The following SMIM32 variants were observed in gnomAD, a reference collection of about 807,000 sequenced individuals.
SMIM32 encodes small integral membrane protein 32.
Under a neutral mutation model 1.6 loss-of-function variants are expected in SMIM32, and 1 was observed. The ratio of observed to expected loss-of-function variants is 0.64; its 90% CI spans 0.23 to 3.02. The LOEUF (loss-of-function observed/expected upper bound fraction) is 3.02. Among genes scored for constraint, SMIM32 ranks in the 30% most tolerant of loss-of-function variants. SMIM32 has a pLI of 0.21. For synonymous variants in SMIM32, 53 were observed against 31.3 expected (o/e 1.69, Z -2.31); for missense variants, 99 against 60.5 (o/e 1.64, Z -2.11).
In SMIM32 at chr5:136,192,021, C is replaced by A. The variant is rs1754827818; in HGVS notation, c.*192G>T. The A allele has an allele frequency of 1.8e-6, 1 of 562,942 alleles. No individual in the cohort carries two copies. The highest frequency in any genetic ancestry group is 2.3e-5 in the South Asian group (1 of 43,568). 34.9% of individuals were successfully genotyped at this position (562,942 alleles called of 1,614,324 possible). A position where few individuals can be genotyped will look rare whatever the true frequency, so the allele number is the denominator to read the frequency against. ...TACAGGTACTGGGATCGAGACCCTA[C>A]ACAGGCTCCCGACGCCTCGGTCTCC... On this transcript the variant is annotated 3_prime_UTR_variant, in exon 1 of 1. Transcript: ENST00000607574.
Position 136,192,785 on chromosome 5 carries a change from ACT to A in SMIM32, c.-263_-262del, listed in dbSNP as rs1580817451. 10 of 474,016 alleles carry A rather than the reference ACT, an allele frequency of 2.1e-5. No individual in the cohort carries two copies. In the East Asian group the frequency reaches 3.2e-4, roughly 15 times the overall value. 29.4% of individuals were successfully genotyped at this position (474,016 alleles called of 1,614,324 possible). A position where few individuals can be genotyped will look rare whatever the true frequency, so the allele number is the denominator to read the frequency against. On this transcript the variant is annotated 5_prime_UTR_variant, in exon 1 of 1. Transcript: ENST00000607574. ...TTCTGTGCCCGCGCCCCTCGGGCTC[ACT>A]GTTTCTCTCCGTCGCCACCAGGACA...
Position 136,191,967 on chromosome 5 carries a change from T to G in SMIM32, c.*246A>C. ...GACCCTCTGTCCAGAGGAAGAAAGA[T>G]TTGGCCAGGGGATCAGAATCACGGT... On this transcript the variant is annotated 3_prime_UTR_variant, in exon 1 of 1. Coordinates refer to ENST00000607574, the MANE Select transcript of SMIM32 (RefSeq NM_001350994.2). 1 of 432,802 alleles carries G rather than the reference T, an allele frequency of 2.3e-6. No individual in the cohort carries two copies. The highest frequency in any genetic ancestry group is 6.8e-5 in the South Asian group (1 of 14,748). 26.8% of individuals were successfully genotyped at this position (432,802 alleles called of 1,614,324 possible).
At position 136,192,219 on chromosome 5, in the gene SMIM32, C is replaced by T. The variant is rs1271091138; in HGVS notation, c.306G>A (p.Pro102=). 2 of 695,112 alleles carry T rather than the reference C, an allele frequency of 2.9e-6. No homozygotes were observed. Among genetic ancestry groups the T allele is most frequent in the Admixed American group, 4.0e-5 (2 of 49,596 alleles). The allele number at this position is 695,112 out of a possible 1,614,324, so 43.1% of individuals were successfully genotyped here. The stretch of plus-strand genomic sequence containing the variant: ...GCCGTGGCTCAGTCCCAAGCTACAC[C>T]GGCCGCGTCTTCCAGGGCGCGCGGG... ...RDARAPWKTR[P]V is the part of the protein sequence containing the mutation. The change falls in exon 1 of 1, where the codon CCG becomes CCA. Residue 102 remains proline, a synonymous_variant. Coordinates refer to ENST00000607574, the MANE Select transcript of SMIM32 (RefSeq NM_001350994.2).
At position 136,192,724 on chromosome 5, in the gene SMIM32, G is replaced by T. The variant is rs1451964709; in HGVS notation, c.-200C>A. 2 of 551,334 alleles carry T rather than the reference G, an allele frequency of 3.6e-6. No individual in the cohort carries two copies. Among genetic ancestry groups the T allele is most frequent in the Non-Finnish European group, 6.3e-6 (2 of 315,450 alleles). 34.2% of individuals were successfully genotyped at this position (551,334 alleles called of 1,614,324 possible). On this transcript the variant is annotated 5_prime_UTR_variant, in exon 1 of 1. Transcript: ENST00000607574. ...GCCTCCGCGCTCAGCTGCTTTCCCC[G>T]CCGGCTGGCGGACCCCAGTTCTCGG...
rs1431630976 is a variant in SMIM32, at chr5:136,192,253, A to G, written c.272T>C (p.Leu91Pro). ...AFAALPHDRS[L>P]RDARAPWKTR... ...CTTCCAGGGCGCGCGGGCGTCGCGC[A>G]GCGAGCGGTCGTGGGGCAGCGCGGC... The change falls in exon 1 of 1, where the codon CTG (leucine) becomes CCG (proline). Residue 91 changes from leucine to proline, a missense_variant. Transcript: ENST00000607574. The G allele has an allele frequency of 1.4e-6, 1 of 699,036 alleles. No homozygotes were observed. The highest frequency in any genetic ancestry group is 2.0e-5 in the Admixed American group (1 of 49,858). The allele number at this position is 699,036 out of a possible 1,614,324, so 43.3% of individuals were successfully genotyped here. A position where few individuals can be genotyped will look rare whatever the true frequency, so the allele number is the denominator to read the frequency against.
rs1298622930 is a variant in SMIM32, at chr5:136,192,406, C to A, written c.119G>T (p.Arg40Leu). 2 of 702,246 alleles carry A rather than the reference C, an allele frequency of 2.8e-6. No individual in the cohort carries two copies. Among genetic ancestry groups the A allele is most frequent in the Non-Finnish European group, 5.2e-6 (2 of 384,638 alleles). 43.5% of individuals were successfully genotyped at this position (702,246 alleles called of 1,614,324 possible). The change falls in exon 1 of 1, where the codon CGC becomes CTC. Residue 40 changes from arginine (R) to leucine (L), a missense_variant. Physicochemically the swap from Arg to Leu is moderately radical, Grantham distance 102. Coordinates refer to ENST00000607574, the MANE Select transcript of SMIM32 (RefSeq NM_001350994.2). ...TGTGGCCGCGCCGTCCCTCATACCG[C>A]GCGCAGTGGCCAGCTCCAGCGGCAA... The part of the protein sequence containing the change: ...GALPLELATA[R>L]GMRDGAATKP...
In SMIM32 at chr5:136,192,167, G is replaced by A. The variant is rs1561668296; in HGVS notation, c.*46C>T. On this transcript the variant is annotated 3_prime_UTR_variant, in exon 1 of 1. Transcript: ENST00000607574. The stretch of plus-strand genomic sequence containing the variant: ...TACCAGGCTCAAGCTGGCTGCTCTT[G>A]GCTAGGTCGGGACGGGGCGCCCGGC... The A allele has an allele frequency of 1.6e-6, 1 of 636,028 alleles. No homozygotes were observed. The highest frequency in any genetic ancestry group is 2.8e-6 in the Non-Finnish European group (1 of 357,366). The allele number at this position is 636,028 out of a possible 1,614,324, so 39.4% of individuals were successfully genotyped here. A position where few individuals can be genotyped will look rare whatever the true frequency, so the allele number is the denominator to read the frequency against.
Position 136,192,317 on chromosome 5 carries a change from C to T in SMIM32, c.208G>A (p.Val70Ile). 2.9e-6 allele frequency: 2 copies of T among 683,694 alleles called. No individual in the cohort carries two copies. The highest frequency in any genetic ancestry group is 5.3e-6 in the Non-Finnish European group (2 of 377,386). The allele number at this position is 683,694 out of a possible 1,614,324, so 42.4% of individuals were successfully genotyped here. A position where few individuals can be genotyped will look rare whatever the true frequency, so the allele number is the denominator to read the frequency against. ...FLLLLSVALVVLFIGCQLRHS... is the reference protein window; with the variant it reads ...FLLLLSVALVILFIGCQLRHS... ...CGCAGCTGGCAACCGATGAAGAGGA[C>T]GACGAGCGCCACCGAGAGCAGCAGC... Residue 70 changes from valine to isoleucine, a missense_variant, in exon 1 of 1, where the codon GTC becomes ATC. Coordinates refer to ENST00000607574, the MANE Select transcript of SMIM32 (RefSeq NM_001350994.2).
In SMIM32 at chr5:136,192,690, C is replaced by T. The variant is rs1561668606; in HGVS notation, c.-166G>A. 1.8e-6 allele frequency: 1 copy of T among 559,906 alleles called. No individual in the cohort carries two copies. The highest frequency in any genetic ancestry group is 2.3e-5 in the South Asian group (1 of 43,828). The allele number at this position is 559,906 out of a possible 1,614,324, so 34.7% of individuals were successfully genotyped here. A position where few individuals can be genotyped will look rare whatever the true frequency, so the allele number is the denominator to read the frequency against. On this transcript the variant is annotated 5_prime_UTR_variant, in exon 1 of 1. Coordinates refer to ENST00000607574, the MANE Select transcript of SMIM32 (RefSeq NM_001350994.2). Reference sequence around the variant, plus strand: ...GACTGCAAAGACCCCGGGACGCGTCCGCTCACTCGCCTCCGCGCTCAGCTG... The same window carrying T: ...GACTGCAAAGACCCCGGGACGCGTCTGCTCACTCGCCTCCGCGCTCAGCTG...
rs1469612242 is a variant in SMIM32, at chr5:136,192,833, G to A, written c.-309C>T. ...GGACAGAGGTCCCAGTCACTGACTCGCCTTTCGGCTTTACAACAGCCCGCT... is the reference window on the plus strand; with the variant it reads ...GGACAGAGGTCCCAGTCACTGACTCACCTTTCGGCTTTACAACAGCCCGCT... On this transcript the variant is annotated 5_prime_UTR_variant, in exon 1 of 1. Transcript: ENST00000607574. The A allele has an allele frequency of 8.0e-6, 3 of 374,442 alleles. No homozygotes were observed. Among genetic ancestry groups the A allele is most frequent in the Non-Finnish European group, 1.4e-5 (3 of 210,540 alleles). 23.2% of individuals were successfully genotyped at this position (374,442 alleles called of 1,614,324 possible). A position where few individuals can be genotyped will look rare whatever the true frequency, so the allele number is the denominator to read the frequency against.
chr5:136,191,723 C>G lies in SMIM32; in HGVS notation c.*490G>C, dbSNP rs1216613627. 1 of 153,978 alleles carries G rather than the reference C, an allele frequency of 6.5e-6. No individual in the cohort carries two copies. Among genetic ancestry groups the G allele is most frequent in the Non-Finnish European group, 1.4e-5 (1 of 69,436 alleles). 9.5% of individuals were successfully genotyped at this position (153,978 alleles called of 1,614,324 possible). A position where few individuals can be genotyped will look rare whatever the true frequency, so the allele number is the denominator to read the frequency against. On this transcript the variant is annotated 3_prime_UTR_variant, in exon 1 of 1. Transcript: ENST00000607574. The stretch of plus-strand genomic sequence containing the variant: ...ATCCTAGTGGGGTCCTCCTCGGTGT[C>G]AAGGAGCAAGAGAGGCCGTAGCAGC...
rs1754845428 is a variant in SMIM32, at chr5:136,192,606, C to A, written c.-82G>T. On this transcript the variant is annotated 5_prime_UTR_variant, in exon 1 of 1. Coordinates refer to ENST00000607574, the MANE Select transcript of SMIM32 (RefSeq NM_001350994.2). Reference sequence around the variant, plus strand: ...GGCGCGACCCGGCGCCTCCATGGCGCGCCCCTCCCGCCCTGCCGCGCCCAA... The same window carrying A: ...GGCGCGACCCGGCGCCTCCATGGCGAGCCCCTCCCGCCCTGCCGCGCCCAA... 2 of 581,768 alleles carry A rather than the reference C, an allele frequency of 3.4e-6. No individual in the cohort carries two copies. The highest frequency in any genetic ancestry group is 6.2e-5 in the Admixed American group (2 of 32,344). The allele number at this position is 581,768 out of a possible 1,614,324, so 36.0% of individuals were successfully genotyped here.
rs893290729 is a variant in SMIM32, at chr5:136,192,649, C to A, written c.-125G>T. ...GCGCCCAACTGACCGAGAGTCGGTGCCTTGGGGCCGGCGGGGACTGCAAAG... is the reference window on the plus strand; with the variant it reads ...GCGCCCAACTGACCGAGAGTCGGTGACTTGGGGCCGGCGGGGACTGCAAAG... On this transcript the variant is annotated 5_prime_UTR_variant, in exon 1 of 1. Coordinates refer to ENST00000607574, the MANE Select transcript of SMIM32 (RefSeq NM_001350994.2). 1.5e-4 allele frequency: 87 copies of A among 576,338 alleles called. 4 individuals are homozygous for A. Among genetic ancestry groups the A allele is most frequent in the South Asian group, 3.2e-4 (15 of 47,560 alleles). The allele number at this position is 576,338 out of a possible 1,614,324, so 35.7% of individuals were successfully genotyped here. A position where few individuals can be genotyped will look rare whatever the true frequency, so the allele number is the denominator to read the frequency against.
Position 136,192,767 on chromosome 5 carries a change from C to T in SMIM32, c.-243G>A. ...GTTCTCGGAGCTGGACAGTTCTGTG[C>T]CCGCGCCCCTCGGGCTCACTGTTTC... On this transcript the variant is annotated 5_prime_UTR_variant, in exon 1 of 1. Coordinates refer to ENST00000607574, the MANE Select transcript of SMIM32 (RefSeq NM_001350994.2). 6.1e-6 allele frequency: 3 copies of T among 495,618 alleles called. 1 individual carries two copies. In the South Asian group the frequency reaches 1.0e-4, roughly 17 times the overall value. The allele number at this position is 495,618 out of a possible 1,614,324, so 30.7% of individuals were successfully genotyped here.
Position 136,192,638 on chromosome 5 carries a change from G to C in SMIM32, c.-114C>G. On this transcript the variant is annotated 5_prime_UTR_variant, in exon 1 of 1. Transcript: ENST00000607574. ...CCCGCCCTGCCGCGCCCAACTGACC[G>C]AGAGTCGGTGCCTTGGGGCCGGCGG... The C allele has an allele frequency of 3.5e-6, 2 of 578,678 alleles. No homozygotes were observed. Among genetic ancestry groups the C allele is most frequent in the South Asian group, 4.2e-5 (2 of 47,906 alleles). The allele number at this position is 578,678 out of a possible 1,614,324, so 35.8% of individuals were successfully genotyped here.
rs1754840495 is a variant in SMIM32 at position 136,192,470 on chromosome 5, C to T, written c.55G>A (p.Ala19Thr). ...TGGPEAAVGSALAPGATVKAE... is the reference protein window; with the variant it reads ...TGGPEAAVGSTLAPGATVKAE... The stretch of plus-strand genomic sequence containing the variant: ...TTGACCGTGGCTCCTGGGGCCAGCG[C>T]GCTGCCTACCGCCGCCTCGGGGCCG... Residue 19 changes from alanine (A) to threonine (T), a missense_variant, in exon 1 of 1, where the codon GCG becomes ACG. By Grantham distance (58) the Ala-to-Thr change is moderately conservative. Coordinates refer to ENST00000607574, the MANE Select transcript of SMIM32 (RefSeq NM_001350994.2). The T allele has an allele frequency of 2.9e-6, 2 of 696,756 alleles. No homozygotes were observed. The highest frequency in any genetic ancestry group is 5.3e-6 in the Non-Finnish European group (2 of 380,818). 43.2% of individuals were successfully genotyped at this position (696,756 alleles called of 1,614,324 possible).
chr5:136,192,217 A>T lies in SMIM32; in HGVS notation c.308T>A (p.Val103Glu). ...CGGCCGTGGCTCAGTCCCAAGCTAC[A>T]CCGGCCGCGTCTTCCAGGGCGCGCG... is the stretch of plus-strand genomic sequence containing the variant. ...DARAPWKTRP[V>E] is the part of the protein sequence containing the mutation. The change falls in exon 1 of 1, where the codon GTG (valine) becomes GAG (glutamate). Residue 103 changes from valine (V) to glutamate (E), a missense_variant. Transcript: ENST00000607574. 1.4e-6 allele frequency: 1 copy of T among 694,132 alleles called. No individual in the cohort carries two copies. Among genetic ancestry groups the T allele is most frequent in the South Asian group, 1.5e-5 (1 of 66,692 alleles). The allele number at this position is 694,132 out of a possible 1,614,324, so 43.0% of individuals were successfully genotyped here.
rs1394990862 is a variant in SMIM32, at chr5:136,191,550, C to G, written c.*663G>C. 6.6e-6 allele frequency: 1 copy of G among 152,208 alleles called. No individual in the cohort carries two copies. The highest frequency in any genetic ancestry group is 1.5e-5 in the Non-Finnish European group (1 of 68,050). The allele number at this position is 152,208 out of a possible 1,614,324, so 9.4% of individuals were successfully genotyped here. A position where few individuals can be genotyped will look rare whatever the true frequency, so the allele number is the denominator to read the frequency against. Reference sequence around the variant, plus strand: ...GTAGGTGGGCCCCTGCGCCTTTCCACCGGCCTCCCACTGCCCGTGCTCACA... The same window carrying G: ...GTAGGTGGGCCCCTGCGCCTTTCCAGCGGCCTCCCACTGCCCGTGCTCACA... On this transcript the variant is annotated 3_prime_UTR_variant, in exon 1 of 1. Coordinates refer to ENST00000607574, the MANE Select transcript of SMIM32 (RefSeq NM_001350994.2).
At position 136,192,530 on chromosome 5, in the gene SMIM32, G is replaced by A. The variant is rs1444404571; in HGVS notation, c.-6C>T. 1 of 673,566 alleles carries A rather than the reference G, an allele frequency of 1.5e-6. No homozygotes were observed. Among genetic ancestry groups the A allele is most frequent in the Non-Finnish European group, 2.7e-6 (1 of 369,768 alleles). 41.7% of individuals were successfully genotyped at this position (673,566 alleles called of 1,614,324 possible). A position where few individuals can be genotyped will look rare whatever the true frequency, so the allele number is the denominator to read the frequency against. ...TTGAATATGTCGCCGTACATGGCCC[G>A]CGGGTCCCGCCGACCCCAGCCGGAC... On this transcript the variant is annotated 5_prime_UTR_variant, in exon 1 of 1. Coordinates refer to ENST00000607574, the MANE Select transcript of SMIM32 (RefSeq NM_001350994.2).
Sources: allele counts gnomAD v4.1 joint callset, GRCh38; gene constraint gnomAD v4.1.1; transcripts MANE v1.5; gene names NCBI Gene and HGNC (gene_info 2026-07-23, HGNC 2026-07-21).